The following TAFA2 variants were observed in gnomAD, a reference collection of about 807,000 sequenced individuals.
TAFA2 encodes TAFA chemokine like family member 2.
A neutral mutation model predicts 18.8 loss-of-function variants in TAFA2; 7 were observed. The ratio of observed to expected loss-of-function variants is 0.37; its 90% CI spans 0.21 to 0.70. The LOEUF (loss-of-function observed/expected upper bound fraction) is 0.70, where lower values mean the gene tolerates loss of function less well. Ranked by LOEUF, TAFA2 falls within the 30% of genes least tolerant of loss-of-function variation. The pLI is 0.53. For synonymous variants in TAFA2, 60 were observed against 54.2 expected (o/e 1.11, Z -0.47); for missense variants, 122 against 158.1 (o/e 0.77, Z 1.23).
intron 1 of TAFA2, among the ~76,000 whole-genome samples, chr12:61,975,188 T>C (rs536962063): frequency 1.3e-5 from 2 of 151,740 alleles, no homozygotes; most frequent in Non-Finnish European, 2.9e-5. Flanking sequence ...AAATTTCAAG[T>C]ATACAATATT....
chr12:61,920,590 T>A (rs1263489656), intron 1 of TAFA2, among the ~76,000 whole-genome samples: 1 of 152,194 alleles, frequency 6.6e-6, no homozygotes, highest in Admixed American at 6.5e-5. Context: ...CGATGATATA[T>A]AGACACAAGT....
In TAFA2 at chr12:61,766,264, G is replaced by A. The variant is rs76579393; in HGVS notation, c.107-11240C>T. ...TTTTATACAATAATTCAAACTCCAG[G>A]CATTGCAAAAGCATCCTTCCCTCAG... On this transcript the variant is annotated intron_variant, in intron 2 of 4. Transcript: ENST00000416284. 1.9e-3 allele frequency among the ~76,000 whole-genome samples: 282 copies of A among 152,064 alleles called. 1 individual carries two copies. Among genetic ancestry groups the A allele is most frequent in the Middle Eastern group, 0.014 (4 of 294 alleles).
intron 1 of TAFA2, among the ~76,000 whole-genome samples, chr12:62,127,412 T>C (rs1870508751): frequency 6.6e-6 from 1 of 152,074 alleles, no homozygotes; most frequent in Admixed American, 6.6e-5. Context: ...TTTTGCATTC[T>C]TGTTGTTGAG....
At chr12:61,809,658 T>C (rs557910199) in intron 2 of TAFA2, among the ~76,000 whole-genome samples, 6 of 151,564 alleles carry the variant, frequency 4.0e-5, no homozygotes, top group African/African-American at 1.5e-4. Flanking sequence ...TTTTGACTAA[T>C]GATACTACTG....
chr12:62,214,068 T>C (rs1288921395), intron 1 of TAFA2, among the ~76,000 whole-genome samples: 1 of 152,204 alleles, frequency 6.6e-6, no homozygotes, highest in Non-Finnish European at 1.5e-5. Context: ...CTTCTAAAAT[T>C]TCACAAACCA....
intron 4 of TAFA2, among the ~76,000 whole-genome samples, chr12:61,714,865 G>C (rs1414892717): frequency 6.6e-6 from 1 of 152,176 alleles, no homozygotes; most frequent in African/African-American, 2.4e-5. Context: ...GTTATCCGCA[G>C]GAGGTAACAT....
chr12:62,131,940 T>G (rs1032214950), intron 1 of TAFA2, among the ~76,000 whole-genome samples: 1 of 151,974 alleles, frequency 6.6e-6, no homozygotes, highest in African/African-American at 2.4e-5. Flanking sequence ...CACAGCTTCA[T>G]GGCCAGGTCA....
At chr12:61,936,260 C>T (rs974152645) in intron 1 of TAFA2, among the ~76,000 whole-genome samples, 1 of 152,068 alleles carries the variant, frequency 6.6e-6, no homozygotes, top group Admixed American at 6.6e-5. Context: ...GCAGAAAAAG[C>T]ATTCAACAAA....
chr12:62,173,876 T>C (rs1398291311), intron 1 of TAFA2, among the ~76,000 whole-genome samples: 1 of 152,200 alleles, frequency 6.6e-6, no homozygotes, highest in Non-Finnish European at 1.5e-5. Flanking sequence ...ATCTGAGATA[T>C]CCAGATGGAG....
intron 2 of TAFA2, among the ~76,000 whole-genome samples, chr12:61,807,202 C>T (rs546353831): frequency 6.6e-6 from 1 of 151,420 alleles, no homozygotes; most frequent in African/African-American, 2.5e-5. Context: ...TGTGTGCAGC[C>T]TAGGGACTTG....
At chr12:62,224,273 T>A (rs1204509877) in intron 1 of TAFA2, among the ~76,000 whole-genome samples, 1 of 152,172 alleles carries the variant, frequency 6.6e-6, no homozygotes, top group African/African-American at 2.4e-5. Flanking sequence ...ATGTTAGATG[T>A]CTTGGTGTAT....
chr12:62,078,605 T>G (rs1056056402), intron 1 of TAFA2, among the ~76,000 whole-genome samples: 2 of 152,100 alleles, frequency 1.3e-5, no homozygotes, highest in African/African-American at 4.8e-5. Context: ...ACTGTGCAGA[T>G]GCTAAAAATT....
At chr12:61,734,571 T>C (rs928385972) in intron 4 of TAFA2, among the ~76,000 whole-genome samples, 1 of 151,986 alleles carries the variant, frequency 6.6e-6, no homozygotes, top group African/African-American at 2.4e-5. Flanking sequence ...AGGAATGTAT[T>C]AGGCCCTATC....
At chr12:62,191,112 T>C (rs2062619913) in intron 1 of TAFA2, 147 bp downstream of exon 1, 1 of 151,938 alleles carries the variant, frequency 6.6e-6, no homozygotes, top group African/African-American at 2.4e-5. Context: ...ACCTCTCGCC[T>C]TCCCCGGGCG....
At chr12:62,024,921 A>C (rs1257046450) in intron 1 of TAFA2, among the ~76,000 whole-genome samples, 1 of 152,160 alleles carries the variant, frequency 6.6e-6, no homozygotes, top group Non-Finnish European at 1.5e-5. Context: ...ACCATCTCAC[A>C]CCAGTCAGAA....
chr12:62,077,494 G>A (rs1868258175), intron 1 of TAFA2, among the ~76,000 whole-genome samples: 2 of 152,208 alleles, frequency 1.3e-5, no homozygotes, highest in African/African-American at 2.4e-5. Flanking sequence ...GTTGGTGACA[G>A]AACGAGGATC....
chr12:62,113,890 G>A (rs1291973461), intron 1 of TAFA2, among the ~76,000 whole-genome samples: 1 of 152,220 alleles, frequency 6.6e-6, no homozygotes, highest in African/African-American at 2.4e-5. Context: ...TGTACTGGCA[G>A]TAAGAATTTC....
intron 1 of TAFA2, among the ~76,000 whole-genome samples, chr12:62,021,100 A>G (rs1178340785): frequency 6.6e-6 from 1 of 152,154 alleles, no homozygotes; most frequent in Non-Finnish European, 1.5e-5. Context: ...GCTAATTTCT[A>G]TACTAAATAC....
intron 1 of TAFA2, among the ~76,000 whole-genome samples, chr12:62,115,433 G>A (rs374563363): frequency 3.9e-4 from 60 of 152,150 alleles, no homozygotes; most frequent in African/African-American, 1.2e-3. Context: ...AAGCCATGCC[G>A]CAGCTCAATC....
Sources: allele counts gnomAD v4.1 joint callset (sites outside exome capture counted in the v4.1 genomes callset), GRCh38; gene constraint gnomAD v4.1.1; transcripts MANE v1.5; gene names NCBI Gene and HGNC (gene_info 2026-07-23, HGNC 2026-07-21).